Variants in GRID2 observed in about 807,000 individuals in gnomAD.
GRID2 encodes the protein glutamate ionotropic receptor delta type subunit 2, also known as glutamate receptor ionotropic, delta-2.
A neutral mutation model predicts 114.8 loss-of-function variants in GRID2; 33 were observed. The observed-to-expected ratio is 0.29, with a 90% CI of 0.22 to 0.38. The LOEUF (loss-of-function observed/expected upper bound fraction) is 0.38, where lower values mean the gene tolerates loss of function less well. GRID2 is among the 10% of genes least tolerant of loss of function. The pLI is 1.00. For synonymous variants in GRID2, 505 were observed against 449.9 expected, an observed-to-expected ratio of 1.12 and a Z score of -1.55; for missense variants, 1,184 against 1,257.7, an observed-to-expected ratio of 0.94 and a Z score of 0.89.
At chr4:93,557,435 G>A (rs1209717439) in intron 13 of GRID2, among the ~76,000 whole-genome samples, 1 of 152,048 alleles carries the variant, frequency 6.6e-6, no homozygotes. Flanking sequence ...AGGGGTTGCA[G>A]CCCTGGTCTC....
intron 2 of GRID2, among the ~76,000 whole-genome samples, chr4:92,633,116 C>A (rs956592764): frequency 2.6e-5 from 4 of 152,088 alleles, no homozygotes; most frequent in Admixed American, 2.0e-4. Context: ...GGACTTTGAA[C>A]CCAGGGCCAT....
At chr4:93,546,306 C>T (rs1348588616) in intron 13 of GRID2, among the ~76,000 whole-genome samples, 1 of 152,010 alleles carries the variant, frequency 6.6e-6, no homozygotes, top group African/African-American at 2.4e-5. Flanking sequence ...TCAAGGTGTG[C>T]GCAGTGAAAA....
rs536579990 is a variant in GRID2 at position 92,538,969 on chromosome 4, G to A, written c.89-51162G>A. On this transcript the variant is annotated intron_variant, in intron 1 of 15. Coordinates refer to ENST00000282020, the MANE Select transcript of GRID2 (RefSeq NM_001510.4). Reference sequence around the variant, plus strand: ...AGGAAGGAGAATGGCGTGAGCCTGGGAGGCGCAGCTTGCAGTGAGCCGAGA... The same window carrying A: ...AGGAAGGAGAATGGCGTGAGCCTGGAAGGCGCAGCTTGCAGTGAGCCGAGA... 5.9e-5 allele frequency among the ~76,000 whole-genome samples: 9 copies of A among 151,540 alleles called. No individual in the cohort carries two copies. The South Asian group carries it at 1.0e-3, about 18-fold the overall frequency.
intron 8 of GRID2, among the ~76,000 whole-genome samples, chr4:93,264,591 CTT>C (rs1205573989): frequency 1.3e-5 from 2 of 150,962 alleles, no homozygotes; most frequent in African/African-American, 4.9e-5. Flanking sequence ...CCATGGATGA[CTT>C]TTGGTTTCTG....
At position 93,454,286 on chromosome 4, in the gene GRID2, A is replaced by T. The variant is rs1049253289; in HGVS notation, c.1546-1376A>T. Among the ~76,000 whole-genome samples the T allele has an allele frequency of 3.3e-5, 5 of 152,160 alleles. 1 individual carries two copies. The highest frequency in any genetic ancestry group is 1.2e-4 in the African/African-American group (5 of 41,570). On this transcript the variant is annotated intron_variant, in intron 10 of 15. Coordinates refer to ENST00000282020, the MANE Select transcript of GRID2 (RefSeq NM_001510.4). ...GAACCAATTACCCTGAGTGCCTACTATATGGTTCATTTGGAAAATGAATGA... is the reference window on the plus strand; with the variant it reads ...GAACCAATTACCCTGAGTGCCTACTTTATGGTTCATTTGGAAAATGAATGA...
At chr4:92,717,686 T>C (rs768520030) in intron 2 of GRID2, among the ~76,000 whole-genome samples, 3 of 152,200 alleles carry the variant, frequency 2.0e-5, no homozygotes, top group South Asian at 2.1e-4. Context: ...AAAAAGAATA[T>C]GCAGTTGTCA....
At chr4:93,334,647 G>C (rs1758844539) in intron 8 of GRID2, among the ~76,000 whole-genome samples, 1 of 152,188 alleles carries the variant, frequency 6.6e-6, no homozygotes, top group South Asian at 2.1e-4. Context: ...AAGCAGTACA[G>C]TTTTAGTCAA....
At chr4:93,583,955 A>G (rs969631220) in intron 13 of GRID2, among the ~76,000 whole-genome samples, 12 of 152,302 alleles carry the variant, frequency 7.9e-5, no homozygotes, top group South Asian at 6.2e-4. Flanking sequence ...AAACAGTCCT[A>G]TTGGATTTGG....
At chr4:93,572,452 TTAATA>T (rs1368144667) in intron 13 of GRID2, among the ~76,000 whole-genome samples, 1 of 152,088 alleles carries the variant, frequency 6.6e-6, no homozygotes, top group African/African-American at 2.4e-5. Context: ...CATATATAAT[TTAATA>T]TAATTTTAGA....
chr4:92,787,447 G>T (rs1739371518), intron 2 of GRID2, among the ~76,000 whole-genome samples: 1 of 151,696 alleles, frequency 6.6e-6, no homozygotes, highest in Non-Finnish European at 1.5e-5. Flanking sequence ...AAAAGAGGAG[G>T]TAGGGAATTA....
At chr4:92,705,714 C>T (rs935159843) in intron 2 of GRID2, among the ~76,000 whole-genome samples, 11 of 152,178 alleles carry the variant, frequency 7.2e-5, no homozygotes, top group Non-Finnish European at 1.6e-4. Flanking sequence ...TTTCAATCAG[C>T]TTATTTCTAC....
intron 2 of GRID2, among the ~76,000 whole-genome samples, chr4:92,705,427 T>C (rs1231021040): frequency 6.6e-6 from 1 of 152,224 alleles, no homozygotes; most frequent in Non-Finnish European, 1.5e-5. Context: ...AAAGGAGACC[T>C]GCACTGAAGA....
intron 14 of GRID2, among the ~76,000 whole-genome samples, chr4:93,666,112 C>T (rs960831702): frequency 1.3e-5 from 2 of 152,076 alleles, no homozygotes; most frequent in African/African-American, 4.8e-5. Context: ...CAGTAAATGT[C>T]TATTGAAATA....
intron 14 of GRID2, among the ~76,000 whole-genome samples, chr4:93,703,021 G>GA (rs35881474): frequency 0.14 from 21,004 of 151,826 alleles, 1,965 homozygotes; most frequent in Admixed American, 0.28. Flanking sequence ...AGGGGTGAAG[G>GA]AAAAAAGCTA....
intron 2 of GRID2, among the ~76,000 whole-genome samples, chr4:92,682,681 G>GACACACACAC (rs1733705425): frequency 9.3e-6 from 1 of 108,022 alleles, no homozygotes; most frequent in Non-Finnish European, 1.9e-5. Context: ...AAAATCGCAG[G>GACACACACAC]GCACACACAC....
intron 2 of GRID2, among the ~76,000 whole-genome samples, chr4:92,878,662 C>T (rs980645324): frequency 1.3e-5 from 2 of 152,120 alleles, no homozygotes; most frequent in African/African-American, 4.8e-5. Flanking sequence ...TACTGAATCA[C>T]ACTTTTTTCT....
At chr4:92,804,466 A>G (rs1740318775) in intron 2 of GRID2, among the ~76,000 whole-genome samples, 1 of 151,906 alleles carries the variant, frequency 6.6e-6, no homozygotes, top group African/African-American at 2.4e-5. Context: ...TGTAGAAGAT[A>G]TTGTCTAGTT....
intron 1 of GRID2, among the ~76,000 whole-genome samples, chr4:92,483,521 A>G (rs1165050906): frequency 2.0e-5 from 3 of 152,132 alleles, no homozygotes; most frequent in East Asian, 3.9e-4. Context: ...GAAAAGCAAT[A>G]AAGCTCTCGT....
At chr4:92,644,003 A>G (rs1318411707) in intron 2 of GRID2, among the ~76,000 whole-genome samples, 2 of 151,728 alleles carry the variant, frequency 1.3e-5, no homozygotes, top group Non-Finnish European at 2.9e-5. Flanking sequence ...CTTTATTAAG[A>G]TTACATTTAC....
Sources: allele counts gnomAD v4.1 joint callset (sites outside exome capture counted in the v4.1 genomes callset), GRCh38; gene constraint gnomAD v4.1.1; transcripts MANE v1.5; gene names NCBI Gene and HGNC (gene_info 2026-07-23, HGNC 2026-07-21).